MAP4: variants seen among roughly 807,000 people sequenced by gnomAD.
MAP4 encodes the protein microtubule-associated protein 4.
In MAP4, 76 loss-of-function variants were observed where a neutral mutation model predicts 170.2. That is an observed-to-expected ratio of 0.45 (90% CI 0.37 to 0.54). MAP4 has a LOEUF of 0.54. Among genes scored for constraint, MAP4 ranks in the 20% least tolerant of loss-of-function variants. MAP4 has a pLI of 0.00. For synonymous variants in MAP4, 909 were observed against 994.5 expected, an observed-to-expected ratio of 0.91 and a Z score of 1.62; for missense variants, 2,506 against 2,748.0, an observed-to-expected ratio of 0.91 and a Z score of 1.97.
At chr3:47,932,002 T>C (rs1214676739) in intron 3 of MAP4, 4 of 152,204 alleles carry the variant, frequency 2.6e-5, no homozygotes, top group Non-Finnish European at 5.9e-5. Flanking sequence ...TTTTAGCATA[T>C]ACACAGTTAT....
At chr3:47,893,050 C>A (rs112885165) in intron 10 of MAP4, among the ~76,000 whole-genome samples, 1 of 150,192 alleles carries the variant, frequency 6.7e-6, no homozygotes, top group African/African-American at 2.5e-5. Context: ...AAAAACCACA[C>A]CTTAACGTAG....
chr3:47,999,539 T>C (rs1559763235), intron 1 of MAP4, among the ~76,000 whole-genome samples: 2 of 152,174 alleles, frequency 1.3e-5, no homozygotes, highest in African/African-American at 4.8e-5. Flanking sequence ...AACGAGATCA[T>C]GTCCTTTGTG....
chr3:47,952,623 A>C (rs1204668182), intron 3 of MAP4, among the ~76,000 whole-genome samples: 1 of 151,690 alleles, frequency 6.6e-6, no homozygotes, highest in Non-Finnish European at 1.5e-5. Flanking sequence ...TGCTGTGTCC[A>C]CTCAGGGTTA....
chr3:48,087,741 A>ACGCG (rs5848844), intron 1 of MAP4, among the ~76,000 whole-genome samples: 223 of 125,236 alleles, frequency 1.8e-3, no homozygotes, highest in Admixed American at 5.5e-3. Context: ...ACACACACGC[A>ACGCG]CGCGCACACA....
Position 48,063,032 on chromosome 3 carries a change from C to T in MAP4, c.-20+25741G>A, listed in dbSNP as rs74568844. On this transcript the variant is annotated intron_variant, in intron 1 of 18. Transcript: ENST00000360240. ...TACGAATGGCAAATAAGCATATGAA[C>T]GAAAAGATGTTCAATAACATATGTC... 7.2e-3 allele frequency among the ~76,000 whole-genome samples: 1,083 copies of T among 150,106 alleles called. 5 individuals carry two copies. Among genetic ancestry groups the T allele is most frequent in the Non-Finnish European group, 0.012 (798 of 67,650 alleles).
At chr3:47,938,565 G>A (rs1046657235) in intron 3 of MAP4, among the ~76,000 whole-genome samples, 7 of 152,114 alleles carry the variant, frequency 4.6e-5, no homozygotes, top group African/African-American at 1.7e-4. Context: ...TATTTTGGGG[G>A]TAGAGACAGG....
rs1277225341 is a variant in MAP4 at position 48,025,939 on chromosome 3, C to CAAT, written c.-19-27063_-19-27061dup. On this transcript the variant is annotated intron_variant, in intron 1 of 18. Coordinates refer to the MAP4 transcript ENST00000360240. ...ATAATAATAATAATAATAATAATAA[C>CAAT]AATAATAATAATATGCTGACTTAGA... Among the ~76,000 whole-genome samples the CAAT allele has an allele frequency of 5.8e-5, 4 of 69,070 alleles. No individual in the cohort carries two copies. In the South Asian group the frequency reaches 1.9e-3, roughly 32 times the overall value. The allele number at this position is 69,070 out of a possible 152,430, so 45.3% of individuals were successfully genotyped here. A position where few individuals can be genotyped will look rare whatever the true frequency, so the allele number is the denominator to read the frequency against.
chr3:47,998,517 TAA>T (rs1278522108), intron 2 of MAP4, 119 bp downstream of exon 2: 2 of 751,274 alleles, frequency 2.7e-6, no homozygotes, highest in Non-Finnish European at 4.5e-6. Flanking sequence ...CAAAGAAACA[TAA>T]AGTTACTAGC....
chr3:47,987,405 G>A, intron 2 of MAP4: 1 of 1,533,352 alleles, frequency 6.5e-7, no homozygotes, highest in South Asian at 1.2e-5. Context: ...GAAAAGAAAG[G>A]CTGGCAGGGT....
chr3:47,872,238 C>CA (rs2093585646), intron 12 of MAP4, 138 bp from the exon 13 acceptor site: 2 of 745,034 alleles, frequency 2.7e-6, no homozygotes, highest in Non-Finnish European at 2.1e-6. Context: ...GGCTGGAGTG[C>CA]AGTGGCATGA....
In MAP4 at chr3:47,985,107, C is replaced by G. The variant is rs2100087809; in HGVS notation, c.224-7174G>C. ...CCAGCCTGGCCAACGTGGTGAAACCCCATCTCTACCAAAAATACAAAAATT... is the reference window on the plus strand; with the variant it reads ...CCAGCCTGGCCAACGTGGTGAAACCGCATCTCTACCAAAAATACAAAAATT... On this transcript the variant is annotated intron_variant, in intron 2 of 20. Transcript: ENST00000683076. Among the ~76,000 whole-genome samples, 3 of 151,810 alleles carry G rather than the reference C, an allele frequency of 2.0e-5. 1 individual carries two copies. The South Asian group carries it at 6.2e-4, about 32-fold the overall frequency.
In MAP4 at chr3:47,872,002, A is replaced by AACAC. The variant is rs1460182933; in HGVS notation, c.5855_5856insGTGT (p.Ala1953CysfsTer18). 5 of 1,614,054 alleles carry AACAC rather than the reference A, an allele frequency of 3.1e-6. No homozygotes were observed. Among genetic ancestry groups the AACAC allele is most frequent in the Non-Finnish European group, 4.2e-6 (5 of 1,179,988 alleles). ...CAGCAGCAGCTGTTGTGGTTTTTGC[A>AACAC]ACAGTCTGAGTGCTCTTGGACCCAG... On this transcript the variant is annotated frameshift_variant, in exon 13 of 21. Transcript: ENST00000683076. LOFTEE classifies it high-confidence loss of function.
intron 1 of MAP4, among the ~76,000 whole-genome samples, chr3:48,013,885 C>T (rs1219854291): frequency 6.6e-6 from 1 of 152,096 alleles, no homozygotes; most frequent in African/African-American, 2.4e-5. Flanking sequence ...ATTATCTAAC[C>T]AGGCACTAAG....
intron 3 of MAP4, among the ~76,000 whole-genome samples, chr3:47,944,834 GT>G (rs1216274780): frequency 2.8e-4 from 40 of 142,504 alleles, no homozygotes; most frequent in Middle Eastern, 3.8e-3. Flanking sequence ...TAACGAGCTA[GT>G]TTTTTTTTTT....
At chr3:47,883,627 A>G (rs2097139793) in intron 10 of MAP4, among the ~76,000 whole-genome samples, 1 of 152,116 alleles carries the variant, frequency 6.6e-6, no homozygotes, top group Admixed American at 6.6e-5. Context: ...TCCTTTAGCC[A>G]TTCTCTAAGG....
chr3:47,980,703 T>C (rs1559688377), intron 2 of MAP4, among the ~76,000 whole-genome samples: 1 of 152,228 alleles, frequency 6.6e-6, no homozygotes, highest in Non-Finnish European at 1.5e-5. Flanking sequence ...AACTGCATTT[T>C]ACTTATCCAG....
In MAP4 at chr3:47,871,928, T is replaced by A. The variant is rs748005904; in HGVS notation, c.5930A>T (p.Lys1977Met). Reference sequence around the variant, plus strand: ...AAGGCAATACTCACCAGTGGGCTTCTTGGGCAGGAGCGTGGAGGGGCTCCT... The same window carrying A: ...AAGGCAATACTCACCAGTGGGCTTCATGGGCAGGAGCGTGGAGGGGCTCCT... ...SSRSPSTLLP[K>M]KPTAIKTEGK... The change falls in exon 13 of 21, where the codon AAG becomes ATG. Residue 1977 changes from lysine to methionine, a missense_variant. This residue lies in a region of MAP4 where 487 missense variants were observed against 511.6 expected (regional missense o/e 0.95). Transcript: ENST00000683076. The A allele has an allele frequency of 1.9e-6, 3 of 1,610,384 alleles. No homozygotes were observed. Among genetic ancestry groups the A allele is most frequent in the Non-Finnish European group, 1.7e-6 (2 of 1,177,514 alleles).
At position 48,046,007 on chromosome 3, in the gene MAP4, CA is replaced by C. The variant is rs1310260880; in HGVS notation, c.-20+42765del. Among the ~76,000 whole-genome samples, 452 of 142,376 alleles carry C rather than the reference CA, an allele frequency of 3.2e-3. 5 individuals are homozygous for C. Among genetic ancestry groups the C allele is most frequent in the African/African-American group, 0.011 (426 of 37,936 alleles). The allele number at this position is 142,376 out of a possible 152,430, so 93.4% of individuals were successfully genotyped here. A position where few individuals can be genotyped will look rare whatever the true frequency, so the allele number is the denominator to read the frequency against. On this transcript the variant is annotated intron_variant, in intron 1 of 18. Transcript: ENST00000360240. Reference sequence around the variant, plus strand: ...TTCTTTTTTTTTTTTTTTTTTTTACCAAACCACTTTCTTCACTTATGTAGAT... The same window carrying C: ...TTCTTTTTTTTTTTTTTTTTTTTACCAACCACTTTCTTCACTTATGTAGAT...
intron 2 of MAP4, among the ~76,000 whole-genome samples, chr3:47,994,625 ATTATT>A (rs529586624): frequency 5.8e-4 from 88 of 152,318 alleles, no homozygotes; most frequent in African/African-American, 2.1e-3. Context: ...TTTTTAAGAC[ATTATT>A]TTATTTATAA....
Sources: allele counts gnomAD v4.1 joint callset (sites outside exome capture counted in the v4.1 genomes callset), GRCh38; gene constraint gnomAD v4.1.1; regional missense constraint gnomAD v4.1.1; transcripts MANE v1.5; gene names NCBI Gene and HGNC (gene_info 2026-07-23, HGNC 2026-07-21).